The following MTHFD1L variants were observed in gnomAD, a reference collection of about 807,000 sequenced individuals.
MTHFD1L encodes monofunctional C1-tetrahydrofolate synthase, mitochondrial.
Under a neutral mutation model 119.5 loss-of-function variants are expected in MTHFD1L, and 81 were observed. That is an observed-to-expected ratio of 0.68 (90% CI 0.57 to 0.82). MTHFD1L has a LOEUF of 0.82. Among genes scored for constraint, MTHFD1L ranks in the 40% least tolerant of loss-of-function variants. The probability of loss-of-function intolerance (pLI) is 0.00; values close to 1 mark genes in which losing one functional copy is unlikely to be tolerated. For synonymous variants in MTHFD1L, 430 were observed against 475.2 expected (o/e 0.90, Z 1.24); for missense variants, 1,125 against 1,253.4 (o/e 0.90, Z 1.55).
intron 26 of MTHFD1L, among the ~76,000 whole-genome samples, chr6:151,063,126 A>G (rs1431872975): frequency 1.3e-5 from 2 of 152,260 alleles, no homozygotes; most frequent in African/African-American, 4.8e-5. Flanking sequence ...TAAAGAACTG[A>G]CTTTCCTTGA....
intron 7 of MTHFD1L, among the ~76,000 whole-genome samples, chr6:150,901,017 A>G (rs1395843604): frequency 1.3e-5 from 2 of 151,818 alleles, no homozygotes; most frequent in Non-Finnish European, 2.9e-5. Flanking sequence ...TCGTCTCAAA[A>G]AAAAAAAAGA....
At chr6:150,944,222 G>A (rs981380871) in intron 13 of MTHFD1L, among the ~76,000 whole-genome samples, 1 of 152,064 alleles carries the variant, frequency 6.6e-6, no homozygotes, top group South Asian at 2.1e-4. Flanking sequence ...TGTCTTAGCC[G>A]AGCACAGTGG....
intron 24 of MTHFD1L, among the ~76,000 whole-genome samples, chr6:151,027,444 C>G (rs1026184425): frequency 6.6e-5 from 10 of 152,166 alleles, no homozygotes; most frequent in Non-Finnish European, 1.0e-4. Context: ...GCAGGCCACT[C>G]TCCAAGGCAC....
At position 150,877,843 on chromosome 6, in the gene MTHFD1L, T is replaced by C; in HGVS notation, c.417+17T>C. ...GAAGCCGAGGTAATAATGGCAGAGC[T>C]CTAAACTCTTGCTTCTTCTTTCCTC... On this transcript the variant is annotated intron_variant, in intron 4 of 27. Coordinates refer to ENST00000367321, the MANE Select transcript of MTHFD1L (RefSeq NM_015440.5). 6.2e-7 allele frequency: 1 copy of C among 1,614,162 alleles called. No homozygotes were observed. The highest frequency in any genetic ancestry group is 8.5e-7 in the Non-Finnish European group (1 of 1,179,968).
chr6:151,019,729 G>T (rs1783685709), intron 24 of MTHFD1L, among the ~76,000 whole-genome samples: 1 of 152,112 alleles, frequency 6.6e-6, no homozygotes, highest in Non-Finnish European at 1.5e-5. Flanking sequence ...GGCTCTCTTT[G>T]TACTGTCTGC....
intron 6 of MTHFD1L, 75 bp downstream of exon 6, chr6:150,885,809 G>A: frequency 8.3e-7 from 1 of 1,209,278 alleles, no homozygotes; most frequent in Non-Finnish European, 1.2e-6. Flanking sequence ...GGATTTGTTT[G>A]GGGAAGAATT....
intron 21 of MTHFD1L, among the ~76,000 whole-genome samples, chr6:151,011,257 A>G (rs544982153): frequency 2.0e-5 from 3 of 152,188 alleles, no homozygotes; most frequent in Non-Finnish European, 2.9e-5. Context: ...TTCACTCAAA[A>G]CACCCCTTGT....
chr6:150,919,356 C>T (rs1052187230), intron 9 of MTHFD1L, among the ~76,000 whole-genome samples: 30 of 151,804 alleles, frequency 2.0e-4, no homozygotes, highest in Admixed American at 1.3e-4. Context: ...CCTGAGTAGC[C>T]GGGACTGCAG....
chr6:151,003,838 C>G (rs1310322359), intron 20 of MTHFD1L, among the ~76,000 whole-genome samples: 1 of 151,970 alleles, frequency 6.6e-6, no homozygotes, highest in Non-Finnish European at 1.5e-5. Flanking sequence ...ATCAGAGGGA[C>G]CGGGGGCACC....
chr6:150,867,008 T>G (rs1354351151), intron 1 of MTHFD1L, among the ~76,000 whole-genome samples: 1 of 152,106 alleles, frequency 6.6e-6, no homozygotes, highest in African/African-American at 2.4e-5. Context: ...CCTCTTCCCT[T>G]TCCTTCTAGC....
intron 20 of MTHFD1L, among the ~76,000 whole-genome samples, chr6:151,003,945 G>C (rs1238519790): frequency 6.0e-5 from 9 of 151,080 alleles, no homozygotes; most frequent in African/African-American, 2.2e-4. Context: ...CATAGCTGTA[G>C]GGTTTTATGA....
intron 26 of MTHFD1L, among the ~76,000 whole-genome samples, chr6:151,090,124 C>A (rs1584446947): frequency 6.6e-6 from 1 of 152,308 alleles, no homozygotes; most frequent in East Asian, 1.9e-4. Flanking sequence ...TATGTGTTCC[C>A]CCAGCCTCCC....
At chr6:151,046,475 A>G (rs1482239479) in intron 26 of MTHFD1L, among the ~76,000 whole-genome samples, 477 of 10,372 alleles carry the variant, frequency 0.046, no homozygotes, top group Middle Eastern at 0.091. Flanking sequence ...GTGTGTGTAT[A>G]TATATATATA....
intron 20 of MTHFD1L, among the ~76,000 whole-genome samples, chr6:150,999,135 AT>A (rs1451405701): frequency 1.3e-5 from 2 of 152,088 alleles, no homozygotes; most frequent in Non-Finnish European, 2.9e-5. Context: ...ATCTGAAAAA[AT>A]TTAAAAGCCA....
intron 20 of MTHFD1L, among the ~76,000 whole-genome samples, chr6:150,998,822 C>CA (rs72203332): frequency 0.14 from 14,087 of 101,060 alleles, 1,836 homozygotes; most frequent in East Asian, 0.64. Flanking sequence ...TCTAAAAATA[C>CA]AAAAAAAAAA....
chr6:150,866,953 A>G (rs1168672606), intron 1 of MTHFD1L, among the ~76,000 whole-genome samples: 1 of 152,180 alleles, frequency 6.6e-6, no homozygotes, highest in Non-Finnish European at 1.5e-5. Flanking sequence ...AACGAGTTCC[A>G]GGATGCGGTT....
intron 24 of MTHFD1L, among the ~76,000 whole-genome samples, chr6:151,032,933 T>C (rs1785557571): frequency 6.6e-6 from 1 of 152,080 alleles, no homozygotes; most frequent in Non-Finnish European, 1.5e-5. Flanking sequence ...CTTTTATTTA[T>C]TTTCTCTTGG....
At chr6:151,060,979 A>T (rs1790544354) in intron 26 of MTHFD1L, among the ~76,000 whole-genome samples, 1 of 152,196 alleles carries the variant, frequency 6.6e-6, no homozygotes, top group Non-Finnish European at 1.5e-5. Flanking sequence ...TAGGCAGGGG[A>T]TGGGAATGAG....
In MTHFD1L at chr6:150,865,916, A is replaced by AGCAGCG. The variant is rs1466088877; in HGVS notation, c.97_102dup (p.Ser33_Gly34dup). 3 of 1,197,188 alleles carry AGCAGCG rather than the reference A, an allele frequency of 2.5e-6. No individual in the cohort carries two copies. The African/African-American group carries it at 4.8e-5, about 19-fold the overall frequency. The allele number at this position is 1,197,188 out of a possible 1,614,324, so 74.2% of individuals were successfully genotyped here. A position where few individuals can be genotyped will look rare whatever the true frequency, so the allele number is the denominator to read the frequency against. On this transcript the variant is annotated inframe_insertion, in exon 1 of 28. Coordinates refer to ENST00000367321, the MANE Select transcript of MTHFD1L (RefSeq NM_015440.5). The stretch of plus-strand genomic sequence containing the variant: ...CCGCCTCCGTGTGCCCTGTCGCGCT[A>AGCAGCG]GCAGCGGCGGCGGCGGAGGCGGCGG...
Sources: gnomAD v4.1 joint callset for allele counts (sites outside exome capture counted in the v4.1 genomes callset) on GRCh38, gnomAD v4.1.1 for gene constraint, MANE v1.5 for transcripts, NCBI Gene and HGNC (gene_info 2026-07-23, HGNC 2026-07-21) for gene names.